Variants in TASP1 observed in about 807,000 individuals in gnomAD.
TASP1 encodes taspase 1, also known as threonine aspartase 1.
Under a neutral mutation model 56.6 loss-of-function variants are expected in TASP1, and 16 were observed. The observed-to-expected ratio is 0.28, with a 90% CI of 0.19 to 0.43. The LOEUF is 0.43. Among genes scored for constraint, TASP1 ranks in the 20% least tolerant of loss-of-function variants. The pLI is 1.00. For missense variants in TASP1, 393 were observed against 511.6 expected (o/e 0.77, Z 2.24); for synonymous variants, 179 against 184.2 (o/e 0.97, Z 0.23).
At chr20:13,201,358 A>G in the TASP1 span, among the ~76,000 whole-genome samples, 1 of 152,154 alleles carries the variant, frequency 6.6e-6, no homozygotes, top group Non-Finnish European at 1.5e-5. Context: ...CTTTGGTGGT[A>G]GAAAATCAGC....
chr20:13,205,425 C>A, the TASP1 span, among the ~76,000 whole-genome samples: 1 of 152,220 alleles, frequency 6.6e-6, no homozygotes, highest in Admixed American at 6.5e-5. Flanking sequence ...TGAAGGAATA[C>A]CACAAACTGG....
chr20:13,177,422 G>A, the TASP1 span, among the ~76,000 whole-genome samples: 2 of 152,052 alleles, frequency 1.3e-5, no homozygotes, highest in African/African-American at 4.8e-5. Context: ...TCTAAAATCT[G>A]TATGGAACCA....
At chr20:13,243,376 C>T in the TASP1 span, among the ~76,000 whole-genome samples, 59 of 152,242 alleles carry the variant, frequency 3.9e-4, no homozygotes, top group African/African-American at 1.4e-3. Context: ...TCCTTTGATG[C>T]GGGATGACTT....
At chr20:13,347,776 A>G in the TASP1 span, among the ~76,000 whole-genome samples, 3 of 151,368 alleles carry the variant, frequency 2.0e-5, no homozygotes, top group South Asian at 6.3e-4. Context: ...CGGGGGGCAG[A>G]GGTTTTAGTA....
intron 11 of TASP1, among the ~76,000 whole-genome samples, chr20:13,443,377 G>A (rs560182701): frequency 2.5e-4 from 38 of 152,176 alleles, no homozygotes; most frequent in Non-Finnish European, 3.8e-4. Context: ...TATCCACAGA[G>A]GGAACTGGGG....
chr20:13,429,642 G>A (rs1361736089), intron 12 of TASP1, among the ~76,000 whole-genome samples: 2 of 144,810 alleles, frequency 1.4e-5, no homozygotes, highest in Non-Finnish European at 3.0e-5. Flanking sequence ...GTGTCTGTCT[G>A]TGTGTGTGCC....
At chr20:13,486,993 G>A (rs748385017) in intron 10 of TASP1, among the ~76,000 whole-genome samples, 7 of 151,996 alleles carry the variant, frequency 4.6e-5, no homozygotes, top group Non-Finnish European at 8.8e-5. Flanking sequence ...ATTGTAATAA[G>A]GCAAGGGGAA....
chr20:13,235,228 T>C, the TASP1 span, among the ~76,000 whole-genome samples: 1 of 152,238 alleles, frequency 6.6e-6, no homozygotes, highest in African/African-American at 2.4e-5. Context: ...CCCATTCTTT[T>C]GTGACCAGCA....
chr20:13,602,098 C>T (rs576428245), intron 4 of TASP1, among the ~76,000 whole-genome samples: 1 of 151,820 alleles, frequency 6.6e-6, no homozygotes, highest in African/African-American at 2.4e-5. Flanking sequence ...CCAGGATGGT[C>T]GTGATCTCCT....
the TASP1 span, among the ~76,000 whole-genome samples, chr20:13,146,940 A>G: frequency 2.6e-5 from 4 of 152,188 alleles, no homozygotes; most frequent in Non-Finnish European, 5.9e-5. Context: ...CTGTTTCCTC[A>G]TCTGTGAAGT....
chr20:13,198,170 A>G, the TASP1 span, among the ~76,000 whole-genome samples: 1 of 152,200 alleles, frequency 6.6e-6, no homozygotes, highest in Non-Finnish European at 1.5e-5. Context: ...GTGATAAGAA[A>G]TGTGTCTTAA....
At chr20:13,215,102 C>T in the TASP1 span, among the ~76,000 whole-genome samples, 1 of 152,124 alleles carries the variant, frequency 6.6e-6, no homozygotes, top group Non-Finnish European at 1.5e-5. Context: ...GTACAGCATA[C>T]TTTAATTTTT....
chr20:13,110,070 AC>A, the TASP1 span: 6 of 1,515,250 alleles, frequency 4.0e-6, no homozygotes, highest in African/African-American at 8.5e-5. Context: ...GGAAAAGTAA[AC>A]CCTTTCATGA....
intron 11 of TASP1, among the ~76,000 whole-genome samples, chr20:13,472,466 A>C (rs2146435283): frequency 6.6e-6 from 1 of 151,234 alleles, no homozygotes; most frequent in East Asian, 1.9e-4. Context: ...ATCGCAACAA[A>C]AGCCAAAATT....
intron 10 of TASP1, among the ~76,000 whole-genome samples, chr20:13,503,510 G>A (rs1342844147): frequency 6.6e-6 from 1 of 152,134 alleles, no homozygotes; most frequent in Admixed American, 6.6e-5. Flanking sequence ...GAGACTGGAG[G>A]ACATAATTGC....
chr20:13,111,070 A>G, the TASP1 span, among the ~76,000 whole-genome samples: 1 of 151,570 alleles, frequency 6.6e-6, no homozygotes, highest in African/African-American at 2.4e-5. Flanking sequence ...TCCTTTTAAG[A>G]AAAAAAAAGT....
the TASP1 span, among the ~76,000 whole-genome samples, chr20:13,229,411 T>C: frequency 6.6e-5 from 10 of 152,326 alleles, no homozygotes; most frequent in South Asian, 2.1e-3. Flanking sequence ...TTCACATAAA[T>C]GGAAATGTAC....
chr20:13,291,089 G>C, the TASP1 span, among the ~76,000 whole-genome samples: 1 of 152,222 alleles, frequency 6.6e-6, no homozygotes, highest in Non-Finnish European at 1.5e-5. Flanking sequence ...CCAGACTCAA[G>C]GTGGTAGATT....
the TASP1 span, among the ~76,000 whole-genome samples, chr20:13,171,799 A>C: frequency 6.6e-6 from 1 of 152,134 alleles, no homozygotes; most frequent in Non-Finnish European, 1.5e-5. Flanking sequence ...AAGGAGAAAA[A>C]AATGAGAAAT....
Sources: allele counts gnomAD v4.1 joint callset (sites outside exome capture counted in the v4.1 genomes callset), GRCh38; gene constraint gnomAD v4.1.1; transcripts MANE v1.5; gene names NCBI Gene and HGNC (gene_info 2026-07-23, HGNC 2026-07-21).